FOXN2: variants seen among roughly 807,000 people sequenced by gnomAD.
FOXN2 encodes forkhead box N2, also known as forkhead box protein N2.
FOXN2 carries 19 observed loss-of-function variants against 41.2 expected under a neutral mutation model. The observed-to-expected ratio is 0.46, with a 90% CI of 0.32 to 0.68. The LOEUF (loss-of-function observed/expected upper bound fraction) is 0.68. Ranked by LOEUF, FOXN2 falls within the 30% of genes least tolerant of loss-of-function variation. The probability of loss-of-function intolerance (pLI) is 0.03; values close to 1 mark genes in which losing one functional copy is unlikely to be tolerated. For synonymous variants in FOXN2, 195 were observed against 176.8 expected, an observed-to-expected ratio of 1.10 and a Z score of -0.82; for missense variants, 587 against 509.4, an observed-to-expected ratio of 1.15 and a Z score of -1.47.
chr2:48,351,580 T>G (rs1671450629), intron 3 of FOXN2, among the ~76,000 whole-genome samples: 1 of 152,106 alleles, frequency 6.6e-6, no homozygotes, highest in Admixed American at 6.6e-5. Context: ...ATGAAACTGT[T>G]CCACCTCAGA....
chr2:48,314,477 G>C (rs1401703950), upstream of FOXN2, among the ~76,000 whole-genome samples: 1 of 152,244 alleles, frequency 6.6e-6, no homozygotes, highest in African/African-American at 2.4e-5. Flanking sequence ...CAGGCAGCCA[G>C]CCGGAACCCA....
intron 4 of FOXN2, among the ~76,000 whole-genome samples, chr2:48,359,876 T>C (rs1217823715): frequency 6.6e-6 from 1 of 151,902 alleles, no homozygotes; most frequent in Non-Finnish European, 1.5e-5. Flanking sequence ...ACATTTAAAA[T>C]TTTTTAACAA....
chr2:48,337,291 CTTTTT>C (rs368224826), intron 2 of FOXN2, among the ~76,000 whole-genome samples: 7 of 140,546 alleles, frequency 5.0e-5, no homozygotes, highest in Admixed American at 2.9e-4. Context: ...GATTGGATCT[CTTTTT>C]TTTTTTTTTT....
At position 48,326,069 on chromosome 2, in the gene FOXN2, C is replaced by T. The variant is rs548689144; in HGVS notation, c.-156-2492C>T. Among the ~76,000 whole-genome samples the T allele has an allele frequency of 2.0e-4, 30 of 152,148 alleles. No individual in the cohort carries two copies. In the South Asian group the frequency reaches 6.0e-3, roughly 31 times the overall value. ...TTTGCCATATTGGCCAGGCCAGTCT[C>T]AAACTTCTGGCCTCAAATGATCTGC... On this transcript the variant is annotated intron_variant, in intron 1 of 6. Transcript: ENST00000340553.
Position 48,330,634 on chromosome 2 carries a change from A to G in FOXN2, c.-15+1932A>G, listed in dbSNP as rs545776800. On this transcript the variant is annotated intron_variant, in intron 2 of 6. Transcript: ENST00000340553. ...CCTACTTTCTGGTTGCTCTTTTGAC[A>G]TTTGTGAAATTGCTTGATTTGCTGA... Among the ~76,000 whole-genome samples the G allele has an allele frequency of 5.3e-5, 8 of 151,828 alleles. No individual in the cohort carries two copies. The East Asian group carries it at 7.7e-4, about 15-fold the overall frequency.
At chr2:48,322,805 ATTT>A (rs531242603) in intron 1 of FOXN2, among the ~76,000 whole-genome samples, 6 of 148,892 alleles carry the variant, frequency 4.0e-5, no homozygotes, top group Non-Finnish European at 8.9e-5. Flanking sequence ...ATTTCTCATA[ATTT>A]TTTTAAGTTT....
chr2:48,347,512 C>T (rs897300303), intron 3 of FOXN2, among the ~76,000 whole-genome samples: 1 of 150,890 alleles, frequency 6.6e-6, no homozygotes, highest in Non-Finnish European at 1.5e-5. Flanking sequence ...CAAGTGTGAG[C>T]CACTGTGCCC....
At chr2:48,340,028 A>G (rs1023500211) in intron 2 of FOXN2, among the ~76,000 whole-genome samples, 22 of 152,220 alleles carry the variant, frequency 1.4e-4, no homozygotes, top group African/African-American at 5.1e-4. Flanking sequence ...ATTTTATGTG[A>G]TGTTTAAATG....
chr2:48,360,693 T>C (rs1672115151), intron 4 of FOXN2, among the ~76,000 whole-genome samples: 1 of 152,156 alleles, frequency 6.6e-6, no homozygotes, highest in Non-Finnish European at 1.5e-5. Context: ...TCTTTATTAA[T>C]TAATTTTGGT....
At chr2:48,366,821 C>G (rs905617674) in intron 5 of FOXN2, among the ~76,000 whole-genome samples, 1 of 151,666 alleles carries the variant, frequency 6.6e-6, no homozygotes, top group African/African-American at 2.4e-5. Context: ...ATTTCAAAGC[C>G]TGACTCCTAC....
chr2:48,343,016 C>G (rs1338784763), intron 2 of FOXN2, among the ~76,000 whole-genome samples: 1 of 152,080 alleles, frequency 6.6e-6, no homozygotes, highest in African/African-American at 2.4e-5. Flanking sequence ...AAAATTTAGT[C>G]AATAGTTATC....
chr2:48,328,923 T>G (rs1669856800), intron 2 of FOXN2, among the ~76,000 whole-genome samples: 1 of 152,212 alleles, frequency 6.6e-6, no homozygotes, highest in Non-Finnish European at 1.5e-5. Flanking sequence ...ATGTTTGAGA[T>G]AATAGAACTT....
intron 2 of FOXN2, among the ~76,000 whole-genome samples, chr2:48,341,284 T>A (rs1478240595): frequency 6.6e-6 from 1 of 152,174 alleles, no homozygotes; most frequent in African/African-American, 2.4e-5. Context: ...TAGTTTCTCA[T>A]AAGACTATAA....
chr2:48,369,155 T>C (rs983592691), intron 5 of FOXN2, among the ~76,000 whole-genome samples: 2 of 152,234 alleles, frequency 1.3e-5, no homozygotes, highest in African/African-American at 4.8e-5. Context: ...TCATGTAGCT[T>C]TCTTATGTTA....
intron 1 of FOXN2, among the ~76,000 whole-genome samples, chr2:48,317,748 C>T (rs1412598086): frequency 6.6e-6 from 1 of 151,180 alleles, no homozygotes; most frequent in East Asian, 2.0e-4. Context: ...GCTGGGGTTA[C>T]AGGCCCCTGC....
At chr2:48,362,739 A>G (rs899937637) in intron 5 of FOXN2, 32 bp downstream of exon 5, 1 of 1,563,188 alleles carries the variant, frequency 6.4e-7, no homozygotes, top group Non-Finnish European at 8.8e-7. Context: ...GTCATGCACC[A>G]CACAACAATC....
intron 1 of FOXN2, among the ~76,000 whole-genome samples, chr2:48,322,095 G>T (rs138620324): frequency 6.6e-6 from 1 of 152,068 alleles, no homozygotes; most frequent in Non-Finnish European, 1.5e-5. Context: ...ACAGGAATGT[G>T]CCACCACGCC....
chr2:48,354,778 A>G (rs1193376220), intron 3 of FOXN2, among the ~76,000 whole-genome samples: 1 of 152,260 alleles, frequency 6.6e-6, no homozygotes, highest in Non-Finnish European at 1.5e-5. Flanking sequence ...GGGCAAGTAT[A>G]TGAATAGGCA....
At chr2:48,365,408 A>G (rs951844836) in intron 5 of FOXN2, among the ~76,000 whole-genome samples, 12 of 152,226 alleles carry the variant, frequency 7.9e-5, no homozygotes, top group African/African-American at 1.2e-4. Context: ...TATTGCCTCA[A>G]TAAAGTCTGA....
Sources: allele counts gnomAD v4.1 joint callset (sites outside exome capture counted in the v4.1 genomes callset), GRCh38; gene constraint gnomAD v4.1.1; transcripts MANE v1.5; gene names NCBI Gene and HGNC (gene_info 2026-07-23, HGNC 2026-07-21).